MTA3: variants seen among roughly 807,000 people sequenced by gnomAD.
The protein encoded by MTA3 is metastasis-associated protein MTA3.
Under a neutral mutation model 83.5 loss-of-function variants are expected in MTA3, and 34 were observed. The observed-to-expected ratio is 0.41, with a 90% CI of 0.31 to 0.54. MTA3 has a LOEUF of 0.54. MTA3 is among the 20% of genes least tolerant of loss of function. The pLI, the probability that MTA3 is intolerant of heterozygous loss-of-function variation, is 0.33. For missense variants in MTA3, 761 were observed against 726.4 expected, an observed-to-expected ratio of 1.05 and a Z score of -0.55; for synonymous variants, 303 against 252.7, an observed-to-expected ratio of 1.20 and a Z score of -1.89.
intron 4 of MTA3, among the ~76,000 whole-genome samples, chr2:42,624,874 A>G (rs900170436): frequency 3.9e-5 from 6 of 152,190 alleles, no homozygotes; most frequent in African/African-American, 1.4e-4. Flanking sequence ...CATGAGTTTT[A>G]TACCACATCG....
At chr2:42,536,299 C>T (rs1269471222) in intron 2 of MTA3, among the ~76,000 whole-genome samples, 1 of 151,646 alleles carries the variant, frequency 6.6e-6, no homozygotes, top group African/African-American at 2.4e-5. Flanking sequence ...TATGAAGAAA[C>T]CCCGTCTCTA....
intron 8 of MTA3, among the ~76,000 whole-genome samples, chr2:42,662,280 T>A (rs1203084735): frequency 6.6e-6 from 1 of 152,054 alleles, no homozygotes; most frequent in African/African-American, 2.4e-5. Flanking sequence ...CACATATCCC[T>A]TTGTGAGCAT....
intron 9 of MTA3, chr2:42,682,811 G>T (rs527957598): frequency 2.2e-6 from 1 of 458,770 alleles, no homozygotes; most frequent in Admixed American, 3.4e-5. Flanking sequence ...GGTGGCTCAC[G>T]TCTGTAATTC....
intron 2 of MTA3, among the ~76,000 whole-genome samples, chr2:42,503,340 C>A (rs562889043): frequency 1.2e-4 from 18 of 152,314 alleles, no homozygotes; most frequent in Middle Eastern, 3.4e-3. Context: ...TTGTCACCAT[C>A]TTAGTTTTGG....
intron 3 of MTA3, among the ~76,000 whole-genome samples, chr2:42,591,387 C>T (rs1308127750): frequency 6.6e-6 from 1 of 152,136 alleles, no homozygotes; most frequent in Non-Finnish European, 1.5e-5. Flanking sequence ...ATGTGAAGGC[C>T]TAGTACATAC....
At chr2:42,589,728 T>C (rs1312197454) in intron 3 of MTA3, among the ~76,000 whole-genome samples, 12 of 152,174 alleles carry the variant, frequency 7.9e-5, no homozygotes, top group Admixed American at 7.9e-4. Flanking sequence ...AATTTTTGTA[T>C]TTTCAGTAGA....
intron 3 of MTA3, among the ~76,000 whole-genome samples, chr2:42,583,653 C>A (rs1479281137): frequency 6.6e-6 from 1 of 151,842 alleles, no homozygotes; most frequent in African/African-American, 2.4e-5. Flanking sequence ...CTCAGCCTCC[C>A]GAATAGCTGA....
intron 2 of MTA3, among the ~76,000 whole-genome samples, chr2:42,499,708 A>G (rs1349589060): frequency 6.6e-6 from 1 of 151,266 alleles, no homozygotes; most frequent in Non-Finnish European, 1.5e-5. Context: ...GAATCGCTTG[A>G]ACCTGGGAGG....
intron 16 of MTA3, among the ~76,000 whole-genome samples, chr2:42,749,467 A>G (rs1376903095): frequency 6.6e-6 from 1 of 151,988 alleles, no homozygotes; most frequent in Non-Finnish European, 1.5e-5. Context: ...TTTTAAAAAA[A>G]TTATTTTATT....
Position 42,722,966 on chromosome 2 carries a change from A to G in MTA3, c.1690A>G (p.Thr564Ala). The G allele has an allele frequency of 1.3e-6, 2 of 1,551,214 alleles. No individual in the cohort carries two copies. Among genetic ancestry groups the G allele is most frequent in the South Asian group, 1.2e-5 (1 of 84,062 alleles). Residue 564 changes from threonine (T) to alanine (A), a missense_variant, in exon 16 of 17, where the codon ACA (threonine) becomes GCA (alanine). Physicochemically the swap from Thr to Ala is moderately conservative, Grantham distance 58 (BLOSUM62 0). Coordinates refer to ENST00000405094, the MANE Select transcript of MTA3 (RefSeq NM_001330442.2). ...AACCCCAACTACCAAGCGGATGCTA[A>G]CAACTCCAAATCACACATCTCTGAG... The part of the protein sequence containing the change: ...LQTPTTKRML[T>A]TPNHTSLSIL...
intron 2 of MTA3, among the ~76,000 whole-genome samples, chr2:42,505,892 C>T (rs956749179): frequency 6.6e-6 from 1 of 151,770 alleles, no homozygotes; most frequent in African/African-American, 2.4e-5. Flanking sequence ...TCTCAGCCTC[C>T]CGAGTAGCTG....
intron 2 of MTA3, among the ~76,000 whole-genome samples, chr2:42,496,642 A>C (rs1000080749): frequency 6.9e-6 from 1 of 145,400 alleles, no homozygotes; most frequent in Admixed American, 6.9e-5. Flanking sequence ...AATTACTCCC[A>C]TTTTTTCCTC....
At chr2:42,582,338 G>A (rs1573052221) in intron 3 of MTA3, among the ~76,000 whole-genome samples, 1 of 152,202 alleles carries the variant, frequency 6.6e-6, no homozygotes, top group African/African-American at 2.4e-5. Context: ...GATTACAGGC[G>A]TGAGCCACTG....
At chr2:42,732,822 A>G (rs1040943771) in intron 16 of MTA3, among the ~76,000 whole-genome samples, 9 of 152,184 alleles carry the variant, frequency 5.9e-5, no homozygotes, top group African/African-American at 2.2e-4. Flanking sequence ...AGTTCCACAA[A>G]TCTCTAGGGC....
At chr2:42,750,485 C>T (rs1294717112) in intron 16 of MTA3, among the ~76,000 whole-genome samples, 4 of 151,986 alleles carry the variant, frequency 2.6e-5, no homozygotes, top group African/African-American at 9.7e-5. Flanking sequence ...AAGCTCTGTG[C>T]TTGTTCTTGG....
At chr2:42,709,701 T>C (rs1363309222) in intron 14 of MTA3, among the ~76,000 whole-genome samples, 1 of 152,196 alleles carries the variant, frequency 6.6e-6, no homozygotes, top group Non-Finnish European at 1.5e-5. Context: ...CATTTTTGGG[T>C]GAGTTTTCTG....
intron 16 of MTA3, among the ~76,000 whole-genome samples, chr2:42,749,922 A>G (rs754609754): frequency 2.0e-5 from 3 of 152,166 alleles, no homozygotes; most frequent in Non-Finnish European, 4.4e-5. Flanking sequence ...ACAACATACT[A>G]TGTATGTTTC....
intron 15 of MTA3, among the ~76,000 whole-genome samples, chr2:42,720,594 G>A (rs111908229): frequency 1.6e-4 from 24 of 152,098 alleles, no homozygotes; most frequent in African/African-American, 4.3e-4. Context: ...TGAAGAGTGC[G>A]GTCTGTATTC....
chr2:42,631,958 G>A (rs1686720024), intron 4 of MTA3, among the ~76,000 whole-genome samples: 1 of 152,092 alleles, frequency 6.6e-6, no homozygotes, highest in Admixed American at 6.5e-5. Flanking sequence ...CCAAAGTGCT[G>A]GGATTACAGG....
Sources: gnomAD v4.1 joint callset for allele counts (sites outside exome capture counted in the v4.1 genomes callset) on GRCh38, gnomAD v4.1.1 for gene constraint, MANE v1.5 for transcripts, NCBI Gene and HGNC (gene_info 2026-07-23, HGNC 2026-07-21) for gene names.